The following NUP88 variants were observed in gnomAD, a reference collection of about 807,000 sequenced individuals.
The protein encoded by NUP88 is nuclear pore complex protein Nup88.
In NUP88, 57 loss-of-function variants were observed where a neutral mutation model predicts 93.9. That is an observed-to-expected ratio of 0.61 (90% CI 0.49 to 0.76). The LOEUF (loss-of-function observed/expected upper bound fraction) is 0.76. Among genes scored for constraint, NUP88 ranks in the 30% least tolerant of loss-of-function variants. The pLI, the probability that NUP88 is intolerant of heterozygous loss-of-function variation, is 0.00. For synonymous variants in NUP88, 346 were observed against 336.8 expected (o/e 1.03, Z -0.30); for missense variants, 911 against 901.0 (o/e 1.01, Z -0.14).
At position 5,404,947 on chromosome 17, in the gene NUP88, G is replaced by A. The variant is rs1187415151; in HGVS notation, c.1044+110C>T. 7 of 966,948 alleles carry A rather than the reference G, an allele frequency of 7.2e-6. No individual in the cohort carries two copies. The South Asian group carries it at 7.5e-5, about 10-fold the overall frequency. 59.9% of individuals were successfully genotyped at this position (966,948 alleles called of 1,614,324 possible). On this transcript the variant is annotated intron_variant, in intron 6 of 16. Transcript: ENST00000573584. ...TAACTGTTTAATTTCCAAAATATCA[G>A]AAGTTCCATAAGTAAGTTAAAATTC...
At chr17:5,389,311 T>C (rs549494496) in intron 10 of NUP88, among the ~76,000 whole-genome samples, 2 of 152,346 alleles carry the variant, frequency 1.3e-5, no homozygotes, top group South Asian at 4.1e-4. Context: ...TTAGAGTTGA[T>C]CAAAACCAAT....
At chr17:5,400,236 C>T (rs745722774) in intron 7 of NUP88, among the ~76,000 whole-genome samples, 1 of 150,886 alleles carries the variant, frequency 6.6e-6, no homozygotes, top group Admixed American at 6.6e-5. Context: ...TGGTGGCTCA[C>T]GTCTGTAATC....
chr17:5,397,315 AGAC>A (rs1315857957), intron 8 of NUP88, among the ~76,000 whole-genome samples: 1 of 152,118 alleles, frequency 6.6e-6, no homozygotes, highest in African/African-American at 2.4e-5. Context: ...ACTCCCACCC[AGAC>A]AACAGAGTGA....
intron 10 of NUP88, 144 bp from the exon 11 acceptor site, chr17:5,389,104 C>A (rs1912246959): frequency 1.6e-6 from 1 of 606,790 alleles, no homozygotes; most frequent in Non-Finnish European, 2.7e-6. Context: ...TGTTTTCCAC[C>A]TTGAAAAGGT....
intron 1 of NUP88, among the ~76,000 whole-genome samples, chr17:5,417,711 G>C (rs1914238990): frequency 6.6e-6 from 1 of 151,164 alleles, no homozygotes; most frequent in Non-Finnish European, 1.5e-5. Context: ...CGGTGGAGTG[G>C]GCCTGTAATC....
intron 5 of NUP88, 118 bp downstream of exon 5, chr17:5,408,615 T>C (rs1913635539): frequency 1.4e-6 from 1 of 711,806 alleles, no homozygotes; most frequent in African/African-American, 1.8e-5. Context: ...AAGCCAAGCA[T>C]GTGAAGGCTG....
chr17:5,386,875 T>A (rs776510954), intron 15 of NUP88, 49 bp from the exon 16 acceptor site: 3 of 1,582,892 alleles, frequency 1.9e-6, no homozygotes, highest in Non-Finnish European at 2.6e-6. Flanking sequence ...GCCACACATT[T>A]TCACAGTATC....
At chr17:5,416,416 T>G (rs1005410077) in intron 2 of NUP88, 97 bp downstream of exon 2, 1 of 797,770 alleles carries the variant, frequency 1.3e-6, no homozygotes, top group Non-Finnish European at 1.9e-6. Flanking sequence ...GTTTTAATGT[T>G]TTAAGAGTAG....
Position 5,414,016 on chromosome 17 carries a change from C to T in NUP88, c.586G>A (p.Val196Ile), listed in dbSNP as rs148203572. Residue 196 changes from valine (V) to isoleucine (I), a missense_variant, in exon 3 of 17, where the codon GTA (valine) becomes ATA (isoleucine). Physicochemically the swap from Val to Ile is conservative, Grantham distance 29. Transcript: ENST00000573584. ...GAGAGAAATAAAATTTACCTGATTA[C>T]GTTGTCTGATGTTAACAGCACTACG... is the stretch of plus-strand genomic sequence containing the variant. ...PHVVLLTSDN[V>I]IRIYSLREPQ... 23 of 1,613,472 alleles carry T rather than the reference C, an allele frequency of 1.4e-5. No individual in the cohort carries two copies. Among genetic ancestry groups the T allele is most frequent in the Middle Eastern group, 1.7e-4 (1 of 6,060 alleles).
chr17:5,391,223 G>A (rs972464655), intron 10 of NUP88, among the ~76,000 whole-genome samples: 4 of 152,114 alleles, frequency 2.6e-5, no homozygotes, highest in East Asian at 1.9e-4. Flanking sequence ...GTGCGGGTAC[G>A]TGGCTTACTT....
chr17:5,387,195 T>C (rs1250654126), intron 14 of NUP88, 85 bp from the exon 15 acceptor site: 6 of 1,497,246 alleles, frequency 4.0e-6, no homozygotes, highest in Non-Finnish European at 5.5e-6. Flanking sequence ...TTCATGAATC[T>C]GGTGTTTCTG....
intron 7 of NUP88, among the ~76,000 whole-genome samples, chr17:5,402,390 T>C (rs1913227406): frequency 6.6e-6 from 1 of 152,198 alleles, no homozygotes; most frequent in Admixed American, 6.5e-5. Flanking sequence ...TTCCCAAAGA[T>C]ATACGTATCT....
At chr17:5,404,739 T>A (rs1333486301) in intron 6 of NUP88, among the ~76,000 whole-genome samples, 1 of 152,214 alleles carries the variant, frequency 6.6e-6, no homozygotes, top group Non-Finnish European at 1.5e-5. Flanking sequence ...AAAACGTCTC[T>A]CTTCCTTTAG....
chr17:5,397,804 A>G (rs1817745524), intron 8 of NUP88, among the ~76,000 whole-genome samples: 1 of 151,818 alleles, frequency 6.6e-6, no homozygotes, highest in Non-Finnish European at 1.5e-5. Context: ...GTTCCTTTCT[A>G]TTAAGTTTGT....
In NUP88 at chr17:5,388,836, A is replaced by G. The variant is rs752949258; in HGVS notation, c.1609T>C (p.Leu537=). ...DSFEKHIRSI[L]QRSVANPAFL... is the part of the protein sequence containing the mutation. ...GCTGGATTGGCAACACTACGTTGCA[A>G]AATGCTTCTAATATGCTTTTCAAAG... is the stretch of plus-strand genomic sequence containing the variant. Residue 537 remains leucine (L), a synonymous_variant, in exon 11 of 17, where the codon TTG becomes CTG. Transcript: ENST00000573584. The G allele has an allele frequency of 6.2e-7, 1 of 1,614,030 alleles. No homozygotes were observed. Among genetic ancestry groups the G allele is most frequent in the South Asian group, 1.1e-5 (1 of 91,046 alleles).
Position 5,419,631 on chromosome 17 carries a change from G to C in NUP88, c.20C>G (p.Pro7Arg), listed in dbSNP as rs778349746. MAAAEG[P>R]VGDGELWQTW... The stretch of plus-strand genomic sequence containing the variant: ...CTGCCACAGCTCGCCGTCGCCCACC[G>C]GTCCCTCGGCGGCCGCCATCTTGGC... Residue 7 changes from proline (P) to arginine (R), a missense_variant, in exon 1 of 17, where the codon CCG (proline) becomes CGG (arginine). By Grantham distance (103) the Pro-to-Arg change is moderately radical. Transcript: ENST00000573584. 1.9e-6 allele frequency: 3 copies of C among 1,592,670 alleles called. No homozygotes were observed. The highest frequency in any genetic ancestry group is 2.7e-5 in the African/African-American group (2 of 74,618).
intron 1 of NUP88, among the ~76,000 whole-genome samples, chr17:5,417,210 G>T (rs1281500214): frequency 6.6e-6 from 1 of 152,184 alleles, no homozygotes; most frequent in Non-Finnish European, 1.5e-5. Context: ...AAGGTTTTGA[G>T]ATTTTGGAGG....
At chr17:5,393,465 C>T (rs1187446691) in intron 9 of NUP88, among the ~76,000 whole-genome samples, 2 of 128,272 alleles carry the variant, frequency 1.6e-5, no homozygotes, top group East Asian at 4.6e-4. Context: ...GAGATGGAGT[C>T]TCACTCTGTC....
intron 7 of NUP88, among the ~76,000 whole-genome samples, chr17:5,401,138 C>G (rs953345347): frequency 6.6e-6 from 1 of 152,038 alleles, no homozygotes. Context: ...AATCCCAGCC[C>G]TTTGGGAGGC....
Sources: allele counts gnomAD v4.1 joint callset (sites outside exome capture counted in the v4.1 genomes callset), GRCh38; gene constraint gnomAD v4.1.1; transcripts MANE v1.5; gene names NCBI Gene and HGNC (gene_info 2026-07-23, HGNC 2026-07-21).